PPP2R2B: variants seen among roughly 807,000 people sequenced by gnomAD.
PPP2R2B encodes protein phosphatase 2 regulatory subunit Bbeta, also known as serine/threonine-protein phosphatase 2A 55 kDa regulatory subunit B beta isoform.
A neutral mutation model predicts 46.0 loss-of-function variants in PPP2R2B; 5 were observed. The observed-to-expected ratio is 0.11, with a 90% CI of 0.06 to 0.23. PPP2R2B has a LOEUF of 0.23. PPP2R2B is among the 10% of genes least tolerant of loss of function. The probability of loss-of-function intolerance (pLI) is 1.00; values close to 1 mark genes in which losing one functional copy is unlikely to be tolerated. For synonymous variants in PPP2R2B, 215 were observed against 206.7 expected (o/e 1.04, Z -0.34); for missense variants, 367 against 575.0 (o/e 0.64, Z 3.70).
chr5:146,705,632 G>T (rs1171506492), intron 2 of PPP2R2B, among the ~76,000 whole-genome samples: 1 of 152,082 alleles, frequency 6.6e-6, no homozygotes, highest in African/African-American at 2.4e-5. Flanking sequence ...CTGGATCACG[G>T]TCCAAAGTCA....
At chr5:146,849,070 A>G (rs1760183620) in intron 2 of PPP2R2B, among the ~76,000 whole-genome samples, 3 of 151,552 alleles carry the variant, frequency 2.0e-5, no homozygotes, top group South Asian at 2.1e-4. Flanking sequence ...TTCTGGTTCT[A>G]TAAGAGGCTC....
intron 1 of PPP2R2B, among the ~76,000 whole-genome samples, chr5:146,952,574 C>T (rs72825264): frequency 0.011 from 1,731 of 152,232 alleles, 46 homozygotes; most frequent in Admixed American, 0.051. Flanking sequence ...CCAGTTCCAA[C>T]CCTTTCTCAG....
At chr5:146,698,471 T>C (rs1048979489) in intron 3 of PPP2R2B, among the ~76,000 whole-genome samples, 3 of 151,416 alleles carry the variant, frequency 2.0e-5, no homozygotes, top group African/African-American at 4.9e-5. Flanking sequence ...AGTTCTAATA[T>C]TTTCTTTTTG....
At chr5:146,926,372 TTTTA>T (rs967978590) in intron 1 of PPP2R2B, among the ~76,000 whole-genome samples, 100 of 152,102 alleles carry the variant, frequency 6.6e-4, no homozygotes, top group African/African-American at 1.9e-3. Context: ...ACATTCCTGA[TTTTA>T]TTTATTTATT....
At chr5:147,081,174 G>C (rs1344400405) in intron 1 of PPP2R2B, 12 of 1,535,194 alleles carry the variant, frequency 7.8e-6, no homozygotes, top group South Asian at 1.2e-5. Flanking sequence ...GGTTAGGTAA[G>C]AGCTCCCAGT....
rs564541071 is a variant in PPP2R2B at position 146,587,920 on chromosome 5, C to A, written c.*2027G>T. 2.6e-5 allele frequency: 4 copies of A among 152,164 alleles called. No individual in the cohort carries two copies. Among genetic ancestry groups the A allele is most frequent in the Admixed American group, 2.0e-4 (3 of 15,284 alleles). The allele number at this position is 152,164 out of a possible 1,614,324, so 9.4% of individuals were successfully genotyped here. Reference sequence around the variant, plus strand: ...TACAATGATTGGTCCCAACCCCCGACGTGGTACAGACAGAGGAGCTGAGTC... The same window carrying A: ...TACAATGATTGGTCCCAACCCCCGAAGTGGTACAGACAGAGGAGCTGAGTC... On this transcript the variant is annotated 3_prime_UTR_variant, in exon 10 of 10. Transcript: ENST00000394411.
At position 146,685,087 on chromosome 5, in the gene PPP2R2B, G is replaced by A. The variant is rs77587078; in HGVS notation, c.447+6041C>T. ...TTGTAGTGCATGCTTAGTACAGTGT[G>A]TAGCATAGTAGACACTGAGATACAA... On this transcript the variant is annotated intron_variant, in intron 5 of 9. Coordinates refer to ENST00000394411, the MANE Select transcript of PPP2R2B (RefSeq NM_181675.4). Among the ~76,000 whole-genome samples the A allele has an allele frequency of 4.3e-3, 649 of 152,300 alleles. 5 individuals are homozygous for A. The highest frequency in any genetic ancestry group is 0.014 in the African/African-American group (577 of 41,560).
chr5:146,714,648 C>T (rs970506250), intron 2 of PPP2R2B, among the ~76,000 whole-genome samples: 2 of 152,212 alleles, frequency 1.3e-5, no homozygotes, highest in Non-Finnish European at 2.9e-5. Context: ...ACCCTACCCA[C>T]AGCCAAAATC....
At chr5:147,015,041 T>A (rs1196940116) in intron 1 of PPP2R2B, among the ~76,000 whole-genome samples, 1 of 152,138 alleles carries the variant, frequency 6.6e-6, no homozygotes, top group Admixed American at 6.6e-5. Context: ...AAGGGATACT[T>A]AACCTGTATA....
intron 2 of PPP2R2B, among the ~76,000 whole-genome samples, chr5:146,805,683 T>C (rs1335984122): frequency 6.6e-6 from 1 of 151,824 alleles, no homozygotes; most frequent in African/African-American, 2.4e-5. Flanking sequence ...AGGAAAAAAA[T>C]GGAGTGGTTT....
chr5:146,633,430 T>C (rs1283613938), intron 7 of PPP2R2B, among the ~76,000 whole-genome samples: 17 of 152,190 alleles, frequency 1.1e-4, no homozygotes, highest in Non-Finnish European at 2.1e-4. Flanking sequence ...AGAAAATCAA[T>C]ATGAAATGTC....
At chr5:146,879,033 C>G (rs2082405), upstream of PPP2R2B, 3 of 645,054 alleles carry the variant, frequency 4.7e-6, no homozygotes, top group Non-Finnish European at 6.1e-6. Flanking sequence ...GAGCCCCTAG[C>G]TCCCTGCCTT....
At chr5:146,992,612 G>A (rs1753742451) in intron 1 of PPP2R2B, among the ~76,000 whole-genome samples, 1 of 152,214 alleles carries the variant, frequency 6.6e-6, no homozygotes, top group Non-Finnish European at 1.5e-5. Flanking sequence ...CCGCCAGGGT[G>A]TTGGGGGAGT....
intron 1 of PPP2R2B, among the ~76,000 whole-genome samples, chr5:146,945,291 T>C (rs1009295763): frequency 2.6e-5 from 4 of 152,202 alleles, no homozygotes; most frequent in Admixed American, 2.0e-4. Context: ...TTTTCATCAA[T>C]CACTGGGAGA....
intron 2 of PPP2R2B, among the ~76,000 whole-genome samples, chr5:146,729,514 T>C (rs184732717): frequency 6.6e-6 from 1 of 152,296 alleles, no homozygotes; most frequent in East Asian, 1.9e-4. Flanking sequence ...CTCCAGGCCA[T>C]GTGAGAGACC....
At chr5:146,933,932 T>C (rs1482976064) in intron 1 of PPP2R2B, among the ~76,000 whole-genome samples, 2 of 150,666 alleles carry the variant, frequency 1.3e-5, no homozygotes, top group East Asian at 4.0e-4. Context: ...ACATGCGGTG[T>C]TTGGTTTTTT....
In PPP2R2B at chr5:146,588,486, G is replaced by A. The variant is rs1045796821; in HGVS notation, c.*1461C>T. The A allele has an allele frequency of 1.3e-5, 2 of 152,048 alleles. No individual in the cohort carries two copies. Among genetic ancestry groups the A allele is most frequent in the African/African-American group, 2.4e-5 (1 of 41,410 alleles). 9.4% of individuals were successfully genotyped at this position (152,048 alleles called of 1,614,324 possible). On this transcript the variant is annotated 3_prime_UTR_variant, in exon 10 of 10. Coordinates refer to ENST00000394411, the MANE Select transcript of PPP2R2B (RefSeq NM_181675.4). ...ACTCTCATCTCAAACCATTTACCCT[G>A]CACTAAATGGGAGTTAGGAGAAATG...
At chr5:146,778,988 T>C (rs1755348190) in intron 2 of PPP2R2B, among the ~76,000 whole-genome samples, 2 of 152,128 alleles carry the variant, frequency 1.3e-5, no homozygotes. Flanking sequence ...GGGGATCCAG[T>C]GTGGGGCAGG....
chr5:147,078,067 C>A (rs563325129), intron 2 of PPP2R2B, among the ~76,000 whole-genome samples: 1 of 152,286 alleles, frequency 6.6e-6, no homozygotes, highest in South Asian at 2.1e-4. Flanking sequence ...GCTATAGTGC[C>A]TTTGGCAATG....
Sources: gnomAD v4.1 joint callset for allele counts (sites outside exome capture counted in the v4.1 genomes callset) on GRCh38, gnomAD v4.1.1 for gene constraint, MANE v1.5 for transcripts, NCBI Gene and HGNC (gene_info 2026-07-23, HGNC 2026-07-21) for gene names.